C1orf159: variants seen among roughly 807,000 people sequenced by gnomAD.
The protein encoded by C1orf159 is chromosome 1 open reading frame 159.
In C1orf159, 19 loss-of-function variants were observed where a neutral mutation model predicts 25.6. The ratio of observed to expected loss-of-function variants is 0.74; its 90% confidence interval spans 0.52 to 1.09. The LOEUF (loss-of-function observed/expected upper bound fraction) is 1.09, where lower values mean the gene tolerates loss of function less well. Ranked by LOEUF, C1orf159 falls within the 50% of genes least tolerant of loss-of-function variation. C1orf159 has a pLI of 0.00. For missense variants in C1orf159, 274 were observed against 290.6 expected (o/e 0.94, Z 0.42); for synonymous variants, 139 against 124.7 (o/e 1.12, Z -0.77).
chr1:1,111,158 T>C (rs946633832), intron 1 of C1orf159, among the ~76,000 whole-genome samples: 1 of 152,238 alleles, frequency 6.6e-6, no homozygotes, highest in Non-Finnish European at 1.5e-5. Flanking sequence ...TGAAAATTTC[T>C]ACAAGGCAAT....
At chr1:1,099,189 A>G (rs113840254) in intron 1 of C1orf159, among the ~76,000 whole-genome samples, 18,161 of 113,504 alleles carry the variant, frequency 0.16, 2,453 homozygotes, top group African/African-American at 0.4. Context: ...TAAAATCTCC[A>G]ACTATGATTG....
At chr1:1,098,628 T>C (rs1234086139) in intron 1 of C1orf159, among the ~76,000 whole-genome samples, 15 of 152,210 alleles carry the variant, frequency 9.9e-5, no homozygotes, top group African/African-American at 3.6e-4. Context: ...ACTTTTTCTT[T>C]TTGTTTTTGA....
chr1:1,092,399 T>C (rs1645953985), intron 1 of C1orf159: 1 of 165,626 alleles, frequency 6.0e-6, no homozygotes, highest in African/African-American at 2.4e-5. Context: ...AGGCTGCACT[T>C]GGTGGACACC....
chr1:1,083,100 G>A (rs1196940541), intron 9 of C1orf159, 113 bp from the exon 10 acceptor site: 20 of 859,360 alleles, frequency 2.3e-5, no homozygotes, highest in African/African-American at 3.5e-5. Context: ...ACAGGCGCCC[G>A]GGGCTGTTTA....
chr1:1,086,850 TGA>T (rs1159598918), intron 6 of C1orf159, among the ~76,000 whole-genome samples: 1 of 151,990 alleles, frequency 6.6e-6, no homozygotes, highest in Admixed American at 6.6e-5. Context: ...AGTGTGAACC[TGA>T]GAGCGTGTGG....
chr1:1,111,830 C>A (rs998319926), intron 1 of C1orf159, among the ~76,000 whole-genome samples: 2 of 152,178 alleles, frequency 1.3e-5, no homozygotes, highest in Non-Finnish European at 1.5e-5. Context: ...ATCTTCGTAG[C>A]AAGCAAAGGA....
chr1:1,109,609 T>G (rs1226639373), intron 1 of C1orf159, among the ~76,000 whole-genome samples: 1 of 152,062 alleles, frequency 6.6e-6, no homozygotes, highest in Non-Finnish European at 1.5e-5. Context: ...TAGGACTACA[T>G]GCCTGCCACC....
At chr1:1,088,048 G>A (rs1007736411) in intron 4 of C1orf159, among the ~76,000 whole-genome samples, 3 of 151,844 alleles carry the variant, frequency 2.0e-5, no homozygotes, top group Admixed American at 6.6e-5. Flanking sequence ...GGAGGGACTC[G>A]TGCTCTGCAG....
In C1orf159 at chr1:1,082,597, G is replaced by T; in HGVS notation, c.*296C>A. On this transcript the variant is annotated 3_prime_UTR_variant, in exon 10 of 10. Coordinates refer to ENST00000421241, the MANE Select transcript of C1orf159 (RefSeq NM_017891.5). The stretch of plus-strand genomic sequence containing the variant: ...GCCAGCTTTGGCTGCAGGCGCTGGG[G>T]CCTCACCGTGTTTCCTGGGGGGGCC... The T allele has an allele frequency of 2.2e-6, 1 of 445,648 alleles. No individual in the cohort carries two copies. The highest frequency in any genetic ancestry group is 2.2e-5 in the South Asian group (1 of 45,018). The allele number at this position is 445,648 out of a possible 1,614,324, so 27.6% of individuals were successfully genotyped here.
chr1:1,110,273 A>C lies in C1orf159; in HGVS notation c.-136+5787T>G, dbSNP rs1244043415. Among the ~76,000 whole-genome samples, 2 of 152,122 alleles carry C rather than the reference A, an allele frequency of 1.3e-5. No homozygotes were observed. Among genetic ancestry groups the C allele is most frequent in the Non-Finnish European group, 2.9e-5 (2 of 68,018 alleles). Reference sequence around the variant, plus strand: ...TTTTATGGCCGGAAACTCAATTTTTAAGGTTTCTCTGGGGTCCCCTTGACC... The same window carrying C: ...TTTTATGGCCGGAAACTCAATTTTTCAGGTTTCTCTGGGGTCCCCTTGACC... On this transcript the variant is annotated intron_variant, in intron 1 of 9. Transcript: ENST00000421241. This position sits in a 1 kb window ranked among gnomAD's most constrained non-coding sequence, Gnocchi z 4.8.
At chr1:1,088,583 C>T (rs1032276746) in intron 4 of C1orf159, among the ~76,000 whole-genome samples, 42 of 151,448 alleles carry the variant, frequency 2.8e-4, no homozygotes, top group African/African-American at 9.0e-4. Context: ...CCTGAAGCCT[C>T]ATTTCCGCCC....
At chr1:1,085,419 C>T (rs1645812431) in intron 7 of C1orf159, 2 of 301,064 alleles carry the variant, frequency 6.6e-6, no homozygotes, top group Non-Finnish European at 1.4e-5. Flanking sequence ...GTGCCCAGGC[C>T]CGGGGTGACC....
Position 1,084,468 on chromosome 1 carries a change from G to A in C1orf159, c.471+13C>T, listed in dbSNP as rs1190191628. 4 of 1,567,448 alleles carry A rather than the reference G, an allele frequency of 2.6e-6. No homozygotes were observed. The highest frequency in any genetic ancestry group is 3.5e-6 in the Non-Finnish European group (4 of 1,156,970). On this transcript the variant is annotated intron_variant, in intron 8 of 9. Coordinates refer to ENST00000421241, the MANE Select transcript of C1orf159 (RefSeq NM_017891.5). ...GCCAGGGACGCTCAGCCCGGATGAT[G>A]TGGGTTACTTACGGCTTCGCCAGGC...
In C1orf159 at chr1:1,105,537, G is replaced by C. The variant is rs72910169; in HGVS notation, c.-136+10523C>G. 3.9e-3 allele frequency among the ~76,000 whole-genome samples: 600 copies of C among 152,108 alleles called. 4 individuals carry two copies. Among genetic ancestry groups the C allele is most frequent in the African/African-American group, 0.014 (580 of 41,494 alleles). On this transcript the variant is annotated intron_variant, in intron 1 of 9. Coordinates refer to ENST00000421241, the MANE Select transcript of C1orf159 (RefSeq NM_017891.5). ...AAATAAATAAAAAGTAAAGGCATTGGATTTAAAAAACAATATACCCTTAAA... is the reference window on the plus strand; with the variant it reads ...AAATAAATAAAAAGTAAAGGCATTGCATTTAAAAAACAATATACCCTTAAA...
chr1:1,112,332 G>C (rs1311621769), intron 1 of C1orf159, among the ~76,000 whole-genome samples: 1 of 152,244 alleles, frequency 6.6e-6, no homozygotes, highest in East Asian at 1.9e-4. Context: ...ACGTTTGACA[G>C]GTAACGGAAG....
At chr1:1,106,259 A>G (rs922731458) in intron 1 of C1orf159, 2 of 152,240 alleles carry the variant, frequency 1.3e-5, no homozygotes, top group Non-Finnish European at 2.9e-5. Flanking sequence ...TAAATACTTC[A>G]ATTAAAAACT....
At chr1:1,114,760 C>T (rs1448847119) in intron 1 of C1orf159, among the ~76,000 whole-genome samples, 2 of 152,104 alleles carry the variant, frequency 1.3e-5, no homozygotes, top group Non-Finnish European at 2.9e-5. Flanking sequence ...GCGGCCGCCC[C>T]TACCCTGGGG....
chr1:1,091,113 T>A, intron 3 of C1orf159: 2 of 710,536 alleles, frequency 2.8e-6, no homozygotes, highest in Non-Finnish European at 4.7e-6. Flanking sequence ...GTCCCCACCC[T>A]CCACCCGCTC....
rs201542151 is a variant in C1orf159, at chr1:1,084,090, G to A, written c.502+263C>T. On this transcript the variant is annotated intron_variant, in intron 9 of 9. Transcript: ENST00000421241. ...TCCTTTCCTGCAGACCCCACGTCTCGGGAACAGGAAAGAGCATGGAAGTCA... is the reference window on the plus strand; with the variant it reads ...TCCTTTCCTGCAGACCCCACGTCTCAGGAACAGGAAAGAGCATGGAAGTCA... 434 of 1,601,680 alleles carry A rather than the reference G, an allele frequency of 2.7e-4. 1 individual carries two copies. In the African/African-American group the frequency reaches 4.8e-3, roughly 18 times the overall value.
Sources: allele counts gnomAD v4.1 joint callset (sites outside exome capture counted in the v4.1 genomes callset), GRCh38; gene constraint gnomAD v4.1.1; non-coding constraint Gnocchi (gnomAD v3.1); transcripts MANE v1.5; gene names NCBI Gene and HGNC (gene_info 2026-07-23, HGNC 2026-07-21).